The following SLC51A variants were observed in gnomAD, a reference collection of about 807,000 sequenced individuals.
The protein encoded by SLC51A is solute carrier family 51 member A.
Under a neutral mutation model 34.8 loss-of-function variants are expected in SLC51A, and 22 were observed. The ratio of observed to expected loss-of-function variants is 0.63; its 90% CI spans 0.45 to 0.90. The LOEUF (loss-of-function observed/expected upper bound fraction) is 0.90. SLC51A is among the 40% of genes least tolerant of loss of function. The pLI, the probability that SLC51A is intolerant of heterozygous loss-of-function variation, is 0.00. For missense variants in SLC51A, 371 were observed against 414.8 expected, an observed-to-expected ratio of 0.89 and a Z score of 0.92; for synonymous variants, 181 against 176.3, an observed-to-expected ratio of 1.03 and a Z score of -0.21.
At position 196,226,937 on chromosome 3, in the gene SLC51A, G is replaced by A. The variant is rs759511904; in HGVS notation, c.134-28G>A. The A allele has an allele frequency of 4.0e-5, 63 of 1,593,336 alleles. No individual in the cohort carries two copies. The South Asian group carries it at 6.3e-4, about 16-fold the overall frequency. On this transcript the variant is annotated intron_variant, in intron 2 of 8. Transcript: ENST00000296327. Reference sequence around the variant, plus strand: ...GGCCTTCTCCCGCTCAGTCCCGGTCGTCAGCTCTCTGCCTTCTCCTCCTCT... The same window carrying A: ...GGCCTTCTCCCGCTCAGTCCCGGTCATCAGCTCTCTGCCTTCTCCTCCTCT...
chr3:196,233,406 C>CA lies in SLC51A; in HGVS notation c.*209dup. 2 of 561,734 alleles carry CA rather than the reference C, an allele frequency of 3.6e-6. No homozygotes were observed. Among genetic ancestry groups the CA allele is most frequent in the Non-Finnish European group, 6.2e-6 (2 of 321,182 alleles). The allele number at this position is 561,734 out of a possible 1,614,324, so 34.8% of individuals were successfully genotyped here. A position where few individuals can be genotyped will look rare whatever the true frequency, so the allele number is the denominator to read the frequency against. ...AAGGTGTTTTAAGTTTTGTAATAAACAAGATGATGTCTGAAAATGTGTAAC... is the reference window on the plus strand; with the variant it reads ...AAGGTGTTTTAAGTTTTGTAATAAACAAAGATGATGTCTGAAAATGTGTAAC... On this transcript the variant is annotated 3_prime_UTR_variant, in exon 9 of 9. Transcript: ENST00000296327.
At chr3:196,224,714 G>C (rs1723852366) in intron 2 of SLC51A, among the ~76,000 whole-genome samples, 1 of 76,368 alleles carries the variant, frequency 1.3e-5, no homozygotes. Context: ...GGGAGGAGAT[G>C]GGAGGGGAGG....
At chr3:196,226,773 T>TAAAAAAA (rs780868037) in intron 2 of SLC51A, among the ~76,000 whole-genome samples, 192 bp from the exon 3 acceptor site, 3 of 107,572 alleles carry the variant, frequency 2.8e-5, no homozygotes, top group South Asian at 7.1e-4. Flanking sequence ...GGCTCCGTCT[T>TAAAAAAA]AAAAAAAAAA....
In SLC51A at chr3:196,226,792, AAAAG is replaced by A. The variant is rs1410290083; in HGVS notation, c.134-169_134-166del. On this transcript the variant is annotated intron_variant, in intron 2 of 8. Transcript: ENST00000296327. ...CCGTCTTAAAAAAAAAAAAAAAAGA[AAAAG>A]AAAAAAAAAAGACTATTTCTTAGGT... is the stretch of plus-strand genomic sequence containing the variant. 6.0e-4 allele frequency among the ~76,000 whole-genome samples: 90 copies of A among 150,454 alleles called. 3 individuals are homozygous for A. Among genetic ancestry groups the A allele is most frequent in the South Asian group, 1.1e-3 (5 of 4,736 alleles).
At chr3:196,223,339 T>G (rs1205509009) in intron 2 of SLC51A, among the ~76,000 whole-genome samples, 1 of 151,854 alleles carries the variant, frequency 6.6e-6, no homozygotes, top group Non-Finnish European at 1.5e-5. Context: ...CTTGACAAGG[T>G]CCCTGCCTCC....
chr3:196,222,004 C>G (rs552992736), intron 2 of SLC51A, among the ~76,000 whole-genome samples: 3 of 152,216 alleles, frequency 2.0e-5, no homozygotes, highest in African/African-American at 7.2e-5. Flanking sequence ...AGGCGTGAGC[C>G]CCCCCGCCCG....
chr3:196,222,273 A>G (rs1182723207), intron 2 of SLC51A, among the ~76,000 whole-genome samples: 2 of 152,202 alleles, frequency 1.3e-5, no homozygotes, highest in Non-Finnish European at 2.9e-5. Flanking sequence ...TCAACTAGAC[A>G]AGCATTTCCC....
chr3:196,232,116 A>C (rs1434433426), intron 7 of SLC51A, among the ~76,000 whole-genome samples: 1 of 152,196 alleles, frequency 6.6e-6, no homozygotes, highest in Non-Finnish European at 1.5e-5. Context: ...CTCTTTATCC[A>C]TTGAGTGCTC....
chr3:196,226,331 A>G (rs1455706793), intron 2 of SLC51A, among the ~76,000 whole-genome samples: 3 of 151,980 alleles, frequency 2.0e-5, no homozygotes, highest in Non-Finnish European at 4.4e-5. Flanking sequence ...TCCTCCCCAC[A>G]AAAAAGTTCT....
In SLC51A at chr3:196,226,994, A is replaced by G. The variant is rs750464058; in HGVS notation, c.163A>G (p.Ser55Gly). Residue 55 changes from serine to glycine, a missense_variant, in exon 3 of 9, where the codon AGC (serine) becomes GGC (glycine). Ser to Gly is a moderately conservative substitution (Grantham distance 56). Coordinates refer to ENST00000296327, the MANE Select transcript of SLC51A (RefSeq NM_152672.6). ...GGGCCCTGTGGAACTTGCCCTCACT[A>G]GCATCCTGACCTTGCTGGCGCTGGG... ...ALGPVELALT[S>G]ILTLLALGSI... 3 of 1,613,848 alleles carry G rather than the reference A, an allele frequency of 1.9e-6. No homozygotes were observed.
chr3:196,217,534 C>CTG (rs1392508781), intron 1 of SLC51A, among the ~76,000 whole-genome samples: 1 of 147,906 alleles, frequency 6.8e-6, no homozygotes, highest in East Asian at 2.0e-4. Flanking sequence ...AGAGCAAGAC[C>CTG]CTGTCTCAAA....
intron 3 of SLC51A, chr3:196,227,327 A>G: frequency 1.6e-6 from 1 of 608,656 alleles, no homozygotes; most frequent in East Asian, 2.8e-5. Flanking sequence ...GGCTGCGGAG[A>G]CAGCTGGAGA....
intron 2 of SLC51A, chr3:196,225,893 A>G (rs1324933138): frequency 6.6e-6 from 1 of 151,914 alleles, no homozygotes; most frequent in Admixed American, 6.6e-5. Context: ...CTTTTTAACA[A>G]CTCCCAAAAT....
intron 2 of SLC51A, among the ~76,000 whole-genome samples, chr3:196,225,978 T>A (rs956747535): frequency 1.3e-5 from 2 of 152,202 alleles, no homozygotes; most frequent in African/African-American, 4.8e-5. Context: ...CCAGCGTGCG[T>A]CAGGTGTCCT....
chr3:196,226,860 C>T (rs563990671), intron 2 of SLC51A, 105 bp from the exon 3 acceptor site: 11 of 1,108,106 alleles, frequency 9.9e-6, no homozygotes, highest in African/African-American at 3.2e-5. Context: ...TTCCTGTGCA[C>T]GGGTGGGAGC....
At chr3:196,217,115 G>A (rs1017285736) in intron 1 of SLC51A, among the ~76,000 whole-genome samples, 40 of 152,356 alleles carry the variant, frequency 2.6e-4, no homozygotes, top group African/African-American at 9.4e-4. Flanking sequence ...GCTGCTGCCC[G>A]ACCCGCATGG....
At chr3:196,227,560 G>GCCT (rs1198095314) in intron 3 of SLC51A, 104 bp from the exon 4 acceptor site, 6 of 945,510 alleles carry the variant, frequency 6.3e-6, no homozygotes, top group Admixed American at 3.7e-5. Context: ...AAGGAACGCT[G>GCCT]CCTCGAATGT....
Position 196,216,832 on chromosome 3 carries a change from A to G in SLC51A, c.38+82A>G, listed in dbSNP as rs746189760. 2.1e-6 allele frequency: 3 copies of G among 1,403,408 alleles called. No homozygotes were observed. The highest frequency in any genetic ancestry group is 2.9e-6 in the Non-Finnish European group (3 of 1,032,128). The allele number at this position is 1,403,408 out of a possible 1,614,324, so 86.9% of individuals were successfully genotyped here. ...GCGGCCTGTCCTCTCTCCCTCCCAG[A>G]GCCCTTTGGCGGCCGCACTCAGAAT... On this transcript the variant is annotated intron_variant, in intron 1 of 8. Transcript: ENST00000296327. This position sits in a 1 kb window ranked among gnomAD's most constrained non-coding sequence, Gnocchi z 4.5.
intron 2 of SLC51A, among the ~76,000 whole-genome samples, chr3:196,220,816 AGAAGTGCCTCTGGGAG>A (rs1723737285): frequency 6.6e-6 from 1 of 152,124 alleles, no homozygotes; most frequent in Non-Finnish European, 1.5e-5. Context: ...AGAAGCAGGA[AGAAGTGCCTCTGGGAG>A]GCTGTGGCGA....
Sources: gnomAD v4.1 joint callset for allele counts (sites outside exome capture counted in the v4.1 genomes callset) on GRCh38, gnomAD v4.1.1 for gene constraint, Gnocchi (gnomAD v3.1) non-coding constraint, MANE v1.5 for transcripts, NCBI Gene and HGNC (gene_info 2026-07-23, HGNC 2026-07-21) for gene names.